The following PCMTD1 variants were observed in gnomAD, a reference collection of about 807,000 sequenced individuals.
PCMTD1 encodes protein-L-isoaspartate O-methyltransferase domain-containing protein 1.
In PCMTD1, 12 loss-of-function variants were observed where a neutral mutation model predicts 37.6. That is an observed-to-expected ratio of 0.32 (90% confidence interval 0.20 to 0.52). The LOEUF is 0.52. Among genes scored for constraint, PCMTD1 ranks in the 20% least tolerant of loss-of-function variants. The pLI, the probability that PCMTD1 is intolerant of heterozygous loss-of-function variation, is 0.97. For missense variants in PCMTD1, 235 were observed against 421.3 expected (o/e 0.56, Z 3.87); for synonymous variants, 117 against 135.8 (o/e 0.86, Z 0.96).
chr8:51,884,509 T>C (rs888250542), intron 1 of PCMTD1, among the ~76,000 whole-genome samples: 1 of 152,228 alleles, frequency 6.6e-6, no homozygotes, highest in Non-Finnish European at 1.5e-5. Flanking sequence ...TATGCTGCCC[T>C]GATCCCACCA....
chr8:51,883,774 A>C (rs1374182323), intron 1 of PCMTD1, among the ~76,000 whole-genome samples: 2 of 152,212 alleles, frequency 1.3e-5, no homozygotes, highest in African/African-American at 4.8e-5. Flanking sequence ...CAACAAAATG[A>C]GGCCAAGTAA....
chr8:51,845,802 A>G, intron 2 of PCMTD1, 39 bp from the exon 3 acceptor site: 2 of 1,416,596 alleles, frequency 1.4e-6, no homozygotes. Flanking sequence ...AATATTAATA[A>G]TATGCCCTTA....
chr8:51,883,459 A>G (rs2038821154), intron 1 of PCMTD1, among the ~76,000 whole-genome samples: 1 of 152,224 alleles, frequency 6.6e-6, no homozygotes, highest in Non-Finnish European at 1.5e-5. Flanking sequence ...GGACACACAC[A>G]AAAACACAGG....
intron 1 of PCMTD1, among the ~76,000 whole-genome samples, chr8:51,865,812 G>A (rs1011812505): frequency 2.0e-5 from 3 of 151,126 alleles, no homozygotes; most frequent in African/African-American, 7.3e-5. Context: ...AATGCTAGCT[G>A]GAACAATTAA....
intron 3 of PCMTD1, among the ~76,000 whole-genome samples, chr8:51,843,336 T>C (rs2038174233): frequency 1.3e-5 from 2 of 152,074 alleles, no homozygotes; most frequent in African/African-American, 4.8e-5. Context: ...ATTAGGATAA[T>C]AAAATTTTCA....
intron 3 of PCMTD1, among the ~76,000 whole-genome samples, chr8:51,844,199 G>C (rs147254457): frequency 6.6e-6 from 1 of 152,218 alleles, no homozygotes; most frequent in East Asian, 1.9e-4. Flanking sequence ...AAATAATTTG[G>C]AGTAAAAACT....
intron 3 of PCMTD1, among the ~76,000 whole-genome samples, chr8:51,834,938 T>C (rs954513771): frequency 2.6e-5 from 4 of 152,174 alleles, no homozygotes; most frequent in African/African-American, 4.8e-5. Flanking sequence ...CCATGCCCCA[T>C]TATTTCTTTT....
chr8:51,833,075 G>A (rs553377523), intron 4 of PCMTD1, among the ~76,000 whole-genome samples: 1 of 152,178 alleles, frequency 6.6e-6, no homozygotes, highest in Admixed American at 6.5e-5. Flanking sequence ...GAACTCCTGG[G>A]CTCAAGCGAT....
intron 5 of PCMTD1, among the ~76,000 whole-genome samples, chr8:51,824,865 A>C (rs151324224): frequency 6.6e-6 from 1 of 152,284 alleles, no homozygotes; most frequent in East Asian, 1.9e-4. Flanking sequence ...AATGGAAGAG[A>C]ACAGAGACCT....
chr8:51,881,324 G>A (rs772231575), intron 1 of PCMTD1, among the ~76,000 whole-genome samples: 15 of 152,136 alleles, frequency 9.9e-5, no homozygotes, highest in Non-Finnish European at 2.9e-5. Flanking sequence ...AATATCTCTT[G>A]TGTTTATTTA....
At chr8:51,875,940 TTG>T (rs71237255) in intron 1 of PCMTD1, among the ~76,000 whole-genome samples, 8,219 of 151,286 alleles carry the variant, frequency 0.054, 234 homozygotes, top group African/African-American at 0.082. Flanking sequence ...AAAAATGTGT[TTG>T]TGTGTGTGTG....
At chr8:51,845,795 A>G in intron 2 of PCMTD1, 32 bp from the exon 3 acceptor site, 1 of 1,452,556 alleles carries the variant, frequency 6.9e-7, no homozygotes, top group South Asian at 1.2e-5. Flanking sequence ...TATAAAAAAT[A>G]TTAATAATAT....
intron 5 of PCMTD1, among the ~76,000 whole-genome samples, chr8:51,822,453 C>T (rs536003030): frequency 2.0e-5 from 3 of 152,046 alleles, no homozygotes; most frequent in Non-Finnish European, 4.4e-5. Flanking sequence ...GACAAAGATA[C>T]AGGGGAGAAC....
chr8:51,826,827 T>C, intron 5 of PCMTD1: 1 of 738,536 alleles, frequency 1.4e-6, no homozygotes, highest in Non-Finnish European at 1.7e-6. Flanking sequence ...ATCTTTCTTT[T>C]TAGAATGTCT....
Position 51,844,296 on chromosome 8 carries a change from G to C in PCMTD1, c.410+1365C>G, listed in dbSNP as rs150868350. Among the ~76,000 whole-genome samples the C allele has an allele frequency of 3.2e-3, 482 of 152,264 alleles. 2 individuals carry two copies. The highest frequency in any genetic ancestry group is 6.6e-3 in the Admixed American group (101 of 15,292). ...AAAAACGAATCAAAATGTGCATTAC[G>C]TGTTGTTTATAAAGACAAGCATAAA... On this transcript the variant is annotated intron_variant, in intron 3 of 5. Coordinates refer to ENST00000522514, the MANE Select transcript of PCMTD1 (RefSeq NM_052937.4).
intron 1 of PCMTD1, among the ~76,000 whole-genome samples, chr8:51,865,703 TC>T (rs2038544880): frequency 6.6e-6 from 1 of 151,834 alleles, no homozygotes; most frequent in African/African-American, 2.4e-5. Context: ...ATTATGAAAA[TC>T]CCACAACAAA....
In PCMTD1 at chr8:51,833,647, G is replaced by C. The variant is rs1351335137; in HGVS notation, c.453C>G (p.Leu151=). The change falls in exon 4 of 6, where the codon CTC becomes CTG. Residue 151 remains leucine (L), a synonymous_variant. Transcript: ENST00000522514. The part of the protein sequence containing the change: ...CEPAFVVGNC[L]QIASDSHQYD... The stretch of plus-strand genomic sequence containing the variant: ...ACTGATGACTGTCAGAAGCTATCTG[G>C]AGGCAATTACCAACAACAAATGCAG... 6.2e-7 allele frequency: 1 copy of C among 1,611,308 alleles called. No individual in the cohort carries two copies. Among genetic ancestry groups the C allele is most frequent in the Admixed American group, 1.7e-5 (1 of 59,842 alleles).
At chr8:51,836,644 AATTTGACAAAT>A (rs1270959599) in intron 3 of PCMTD1, among the ~76,000 whole-genome samples, 1 of 152,216 alleles carries the variant, frequency 6.6e-6, no homozygotes, top group Non-Finnish European at 1.5e-5. Flanking sequence ...TATGAACCCA[AATTTGACAAAT>A]TAAAAATCTC....
chr8:51,869,040 A>C (rs2129289158), intron 1 of PCMTD1, among the ~76,000 whole-genome samples: 1 of 150,870 alleles, frequency 6.6e-6, no homozygotes, highest in Admixed American at 6.7e-5. Flanking sequence ...ATATTCTACC[A>C]CATGGATACA....
Sources: allele counts gnomAD v4.1 joint callset (sites outside exome capture counted in the v4.1 genomes callset), GRCh38; gene constraint gnomAD v4.1.1; transcripts MANE v1.5; gene names NCBI Gene and HGNC (gene_info 2026-07-23, HGNC 2026-07-21).